TBC1D2B: variants seen among roughly 807,000 people sequenced by gnomAD.
TBC1D2B encodes TBC1 domain family member 2B, also known as TBC1 domain family, member 2B.
TBC1D2B carries 64 observed loss-of-function variants against 100.8 expected under a neutral mutation model. The observed-to-expected ratio is 0.64, with a 90% confidence interval of 0.52 to 0.78. The LOEUF (loss-of-function observed/expected upper bound fraction) is 0.78. TBC1D2B is among the 30% of genes least tolerant of loss of function. TBC1D2B has a pLI of 0.00. For missense variants in TBC1D2B, 1,052 were observed against 1,218.4 expected, an observed-to-expected ratio of 0.86 and a Z score of 2.03; for synonymous variants, 480 against 479.7, an observed-to-expected ratio of 1.00 and a Z score of -0.01.
intron 3 of TBC1D2B, among the ~76,000 whole-genome samples, chr15:78,043,074 ATATATATCC>A (rs1330372259): frequency 9.9e-5 from 15 of 152,264 alleles, no homozygotes; most frequent in Admixed American, 3.9e-4. Flanking sequence ...AATATAACCT[ATATATATCC>A]TATATATCCC....
chr15:78,042,879 TG>T, intron 3 of TBC1D2B, among the ~76,000 whole-genome samples: 1 of 152,140 alleles, frequency 6.6e-6, no homozygotes, highest in East Asian at 1.9e-4. Flanking sequence ...CGTAGGGAGA[TG>T]ACATGATCAG....
chr15:78,013,306 A>G lies in TBC1D2B; in HGVS notation c.1787T>C (p.Ile596Thr). 3 of 1,603,072 alleles carry G rather than the reference A, an allele frequency of 1.9e-6. No individual in the cohort carries two copies. Among genetic ancestry groups the G allele is most frequent in the Non-Finnish European group, 2.6e-6 (3 of 1,174,126 alleles). Residue 596 changes from isoleucine (I) to threonine (T), a missense_variant, in exon 9 of 13, where the codon ATT becomes ACT. Physicochemically the swap from Ile to Thr is moderately conservative, Grantham distance 89. This residue lies in a region of TBC1D2B where 373 missense variants were observed against 464.9 expected (regional missense o/e 0.80). Coordinates refer to ENST00000300584, the MANE Select transcript of TBC1D2B (RefSeq NM_144572.2). ...CTCAGGTACAGTCCTGAACCCATAA[A>G]TATCATATTCACTGTTGATAAAAAC... ...VKPHLVSEYD[I>T]YGFRTVPEDD...
intron 5 of TBC1D2B, among the ~76,000 whole-genome samples, chr15:78,024,991 T>C (rs551822700): frequency 6.6e-6 from 1 of 152,320 alleles, no homozygotes; most frequent in African/African-American, 2.4e-5. Flanking sequence ...GGGGCAGGAC[T>C]GGGCTGTGGT....
In TBC1D2B at chr15:78,024,286, A is replaced by G; in HGVS notation, c.1340T>C (p.Ile447Thr). The G allele has an allele frequency of 6.2e-7, 1 of 1,613,968 alleles. No homozygotes were observed. Among genetic ancestry groups the G allele is most frequent in the Non-Finnish European group, 8.5e-7 (1 of 1,179,896 alleles). ...GATGATGACCTCGTCCTTGGCTTGG[A>G]TGGTCTCCATGAGCATTCCCAGCTG... The part of the protein sequence containing the change: ...NEQLGMLMET[I>T]QAKDEVIIKL... Residue 447 changes from isoleucine (I) to threonine (T), a missense_variant, in exon 6 of 13, where the codon ATC becomes ACC. Around this residue, in one of 4 missense-constraint regions of TBC1D2B, gnomAD observed 627 missense variants for 646.1 expected, o/e 0.97. Transcript: ENST00000300584.
Position 78,077,522 on chromosome 15 carries a change from A to G in TBC1D2B, c.131T>C (p.Leu44Pro), listed in dbSNP as rs2073850501. 1 of 1,522,582 alleles carries G rather than the reference A, an allele frequency of 6.6e-7. No individual in the cohort carries two copies. Among genetic ancestry groups the G allele is most frequent in the Admixed American group, 2.1e-5 (1 of 48,600 alleles). 94.3% of individuals were successfully genotyped at this position (1,522,582 alleles called of 1,614,324 possible). The change falls in exon 1 of 13, where the codon CTG (leucine) becomes CCG (proline). Residue 44 changes from leucine (L) to proline (P), a missense_variant. By Grantham distance (98) the Leu-to-Pro change is moderately conservative (BLOSUM62 -3). This residue lies in a region of TBC1D2B where 627 missense variants were observed against 646.1 expected (regional missense o/e 0.97). Transcript: ENST00000300584. ...PARLCGYLQK[L>P]SGKGPLRGYR... ...GCCACGCAGGGGGCCCTTGCCCGAC[A>G]GCTTCTGCAGATAGCCACACAGCCG...
At chr15:78,032,184 T>G (rs1036428133) in intron 3 of TBC1D2B, among the ~76,000 whole-genome samples, 1 of 152,192 alleles carries the variant, frequency 6.6e-6, no homozygotes, top group African/African-American at 2.4e-5. Flanking sequence ...AAACCATCCC[T>G]GAGCCTCACA....
chr15:78,020,493 G>A (rs569946123), intron 6 of TBC1D2B, among the ~76,000 whole-genome samples: 2 of 152,274 alleles, frequency 1.3e-5, no homozygotes, highest in South Asian at 2.1e-4. Flanking sequence ...GTGAGGGAGG[G>A]CTTTACATGG....
chr15:78,057,428 G>A (rs575795097), intron 1 of TBC1D2B, among the ~76,000 whole-genome samples: 231 of 152,142 alleles, frequency 1.5e-3, no homozygotes, highest in African/African-American at 5.2e-3. Flanking sequence ...GATCACCTGA[G>A]GTCAGGAGTT....
chr15:78,068,396 C>A (rs950200375), intron 1 of TBC1D2B, among the ~76,000 whole-genome samples: 6 of 151,416 alleles, frequency 4.0e-5, no homozygotes, highest in African/African-American at 1.5e-4. Flanking sequence ...CACACACACA[C>A]ACACACACAC....
At position 78,066,008 on chromosome 15, in the gene TBC1D2B, G is replaced by A. The variant is rs572910229; in HGVS notation, c.360+11285C>T. ...CACTTCTCTCTGGTGAAAAGCTGAG[G>A]GATCTGAAAGTACTTACCAGCTCTT... On this transcript the variant is annotated intron_variant, in intron 1 of 12. Transcript: ENST00000300584. 2.1e-5 allele frequency: 10 copies of A among 470,968 alleles called. No individual in the cohort carries two copies. The East Asian group carries it at 4.9e-4, about 23-fold the overall frequency. 29.2% of individuals were successfully genotyped at this position (470,968 alleles called of 1,614,324 possible). A position where few individuals can be genotyped will look rare whatever the true frequency, so the allele number is the denominator to read the frequency against.
At chr15:78,019,873 A>G (rs2072471571) in intron 6 of TBC1D2B, among the ~76,000 whole-genome samples, 2 of 145,218 alleles carry the variant, frequency 1.4e-5, no homozygotes, top group East Asian at 2.2e-4. Flanking sequence ...TGGGTGAAAT[A>G]GTGAGACTCT....
At chr15:78,070,883 C>T (rs1476749203) in intron 1 of TBC1D2B, among the ~76,000 whole-genome samples, 3 of 152,114 alleles carry the variant, frequency 2.0e-5, no homozygotes, top group Non-Finnish European at 4.4e-5. Flanking sequence ...AGTGCAATGG[C>T]GCCACCTCAG....
intron 11 of TBC1D2B, 35 bp from the exon 12 acceptor site, chr15:78,001,775 AACCCTGTGGG>A: frequency 1.3e-6 from 2 of 1,578,940 alleles, no homozygotes; most frequent in South Asian, 2.3e-5. Context: ...TTAGTGGAAA[AACCCTGTGGG>A]TCCAGGCACA....
chr15:78,003,706 C>T, intron 10 of TBC1D2B: 1 of 492,250 alleles, frequency 2.0e-6, no homozygotes, highest in Non-Finnish European at 3.7e-6. Context: ...GTCCGCTGAA[C>T]AGCATGCTTT....
intron 1 of TBC1D2B, among the ~76,000 whole-genome samples, chr15:78,055,312 A>T (rs1490158284): frequency 8.8e-4 from 3 of 3,418 alleles, no homozygotes; most frequent in Non-Finnish European, 0.01. Flanking sequence ...GAATATCATT[A>T]AAAAAAAAAT....
At chr15:78,070,842 G>T (rs62011518) in intron 1 of TBC1D2B, among the ~76,000 whole-genome samples, 8,222 of 152,004 alleles carry the variant, frequency 0.054, 280 homozygotes, top group Middle Eastern at 0.13. Context: ...TTTGTTTTGA[G>T]ACAGAGTTTC....
intron 1 of TBC1D2B, among the ~76,000 whole-genome samples, chr15:78,073,040 A>C (rs941824660): frequency 6.6e-6 from 1 of 152,210 alleles, no homozygotes; most frequent in African/African-American, 2.4e-5. Flanking sequence ...GATCCCCAAC[A>C]AAGTCAAAAA....
At chr15:78,029,974 G>T in intron 4 of TBC1D2B, 33 bp downstream of exon 4, 1 of 1,575,516 alleles carries the variant, frequency 6.3e-7, no homozygotes, top group South Asian at 1.2e-5. Context: ...TGGCAGTACA[G>T]AGAATGACAG....
chr15:78,065,907 G>A (rs916691952), intron 1 of TBC1D2B: 16 of 414,188 alleles, frequency 3.9e-5, no homozygotes, highest in South Asian at 1.2e-4. Flanking sequence ...TGGGAACCAC[G>A]GTGATTTCTA....
Sources: gnomAD v4.1 joint callset for allele counts (sites outside exome capture counted in the v4.1 genomes callset) on GRCh38, gnomAD v4.1.1 for gene constraint, gnomAD v4.1.1 regional missense constraint, MANE v1.5 for transcripts, NCBI Gene and HGNC (gene_info 2026-07-23, HGNC 2026-07-21) for gene names.